Variants in CELF2 observed in about 807,000 individuals in gnomAD.
The protein encoded by CELF2 is CUGBP Elav-like family member 2, also known as CUG triplet repeat RNA-binding protein 2.
A neutral mutation model predicts 62.6 loss-of-function variants in CELF2; 8 were observed. That is an observed-to-expected ratio of 0.13 (90% CI 0.07 to 0.23). The LOEUF (loss-of-function observed/expected upper bound fraction) is 0.23, where lower values mean the gene tolerates loss of function less well. Ranked by LOEUF, CELF2 falls within the 10% of genes least tolerant of loss-of-function variation. The probability of loss-of-function intolerance (pLI) is 1.00; values close to 1 mark genes in which losing one functional copy is unlikely to be tolerated. For synonymous variants in CELF2, 258 were observed against 250.0 expected (o/e 1.03, Z -0.30); for missense variants, 333 against 671.0 (o/e 0.50, Z 5.56).
intron 2 of CELF2, among the ~76,000 whole-genome samples, chr10:10,939,529 A>G (rs935868367): frequency 6.6e-6 from 1 of 151,684 alleles, no homozygotes; most frequent in Admixed American, 6.6e-5. Flanking sequence ...CAGGTGATCC[A>G]CTCACCTTGG....
intron 1 of CELF2, among the ~76,000 whole-genome samples, chr10:11,119,245 C>T (rs141104412): frequency 2.0e-4 from 31 of 152,260 alleles, no homozygotes; most frequent in African/African-American, 7.5e-4. Context: ...TTTAAGAGAG[C>T]TTGATAAAAT....
In CELF2 at chr10:11,267,751, T is replaced by C. The variant is rs2082568381; in HGVS notation, c.618+1074T>C. Among the ~76,000 whole-genome samples the C allele has an allele frequency of 6.6e-6, 1 of 152,178 alleles. No homozygotes were observed. The highest frequency in any genetic ancestry group is 2.1e-4 in the South Asian group (1 of 4,834). On this transcript the variant is annotated intron_variant, in intron 6 of 12. Transcript: ENST00000633077. The surrounding 1 kb of genome is among the most constrained non-coding windows in gnomAD (Gnocchi z 4.4). Reference sequence around the variant, plus strand: ...AGCATGCTGGGAGCTAAGTGATCATTATGCGTCATGTTTTGTGGGCAACTT... The same window carrying C: ...AGCATGCTGGGAGCTAAGTGATCATCATGCGTCATGTTTTGTGGGCAACTT...
the CELF2 span, among the ~76,000 whole-genome samples, chr10:10,638,108 T>C: frequency 6.6e-6 from 1 of 152,178 alleles, no homozygotes; most frequent in Admixed American, 6.5e-5. Context: ...TTGCTGCCAG[T>C]GTCTCTTTGG....
chr10:10,786,243 A>G, the CELF2 span, among the ~76,000 whole-genome samples: 6 of 152,178 alleles, frequency 3.9e-5, no homozygotes, highest in Non-Finnish European at 8.8e-5. Flanking sequence ...ACACAGGGAC[A>G]ATACATGCCT....
intron 1 of CELF2, chr10:10,919,908 C>A: frequency 1.8e-6 from 2 of 1,118,286 alleles, no homozygotes; most frequent in East Asian, 6.4e-5. Flanking sequence ...AATACATTTT[C>A]ATAATTCACC....
intron 1 of CELF2, among the ~76,000 whole-genome samples, chr10:10,811,137 C>T (rs1385296943): frequency 2.0e-5 from 3 of 152,184 alleles, no homozygotes; most frequent in South Asian, 4.1e-4. Flanking sequence ...TCTGTGCAGG[C>T]AGAGTTGTCC....
intron 2 of CELF2, among the ~76,000 whole-genome samples, chr10:10,994,318 C>A (rs772841698): frequency 2.6e-4 from 39 of 152,188 alleles, no homozygotes; most frequent in Non-Finnish European, 4.7e-4. Flanking sequence ...CAGCTACCTG[C>A]CACCAAAATT....
intron 1 of CELF2, among the ~76,000 whole-genome samples, chr10:11,106,851 G>T (rs2053626811): frequency 6.6e-6 from 1 of 152,162 alleles, no homozygotes; most frequent in African/African-American, 2.4e-5. Flanking sequence ...GGACAATGAC[G>T]CTTCAGTGTG....
At position 11,302,045 on chromosome 10, in the gene CELF2, G is replaced by A. The variant is rs1412790133; in HGVS notation, c.977-12094G>A. Among the ~76,000 whole-genome samples the A allele has an allele frequency of 6.6e-6, 1 of 152,200 alleles. No homozygotes were observed. Among genetic ancestry groups the A allele is most frequent in the African/African-American group, 2.4e-5 (1 of 41,450 alleles). On this transcript the variant is annotated intron_variant, in intron 9 of 12. Transcript: ENST00000633077. The surrounding 1 kb of genome is among the most constrained non-coding windows in gnomAD (Gnocchi z 5.0). The stretch of plus-strand genomic sequence containing the variant: ...GCACCAGTGATTCTCATAGTTTCTA[G>A]GGAAACGGACAAGCAAATCCCTGCT...
the CELF2 span, among the ~76,000 whole-genome samples, chr10:10,754,572 T>A: frequency 6.6e-6 from 1 of 152,214 alleles, no homozygotes; most frequent in Non-Finnish European, 1.5e-5. Context: ...TCTGCTGTCT[T>A]AGAATTTCAT....
At chr10:10,562,707 C>G in the CELF2 span, among the ~76,000 whole-genome samples, 1 of 139,964 alleles carries the variant, frequency 7.1e-6, no homozygotes, top group Non-Finnish European at 1.5e-5. Flanking sequence ...TGCATTGGTC[C>G]TTTCCCTCCT....
At chr10:10,694,379 C>G in the CELF2 span, among the ~76,000 whole-genome samples, 45,378 of 146,992 alleles carry the variant, frequency 0.31, 7,308 homozygotes, top group South Asian at 0.54. Context: ...CTGAGAGATA[C>G]TTTGTTATAA....
chr10:10,867,218 C>T (rs1027775460), intron 1 of CELF2, among the ~76,000 whole-genome samples: 2 of 152,136 alleles, frequency 1.3e-5, no homozygotes, highest in African/African-American at 2.4e-5. Context: ...TCACTGAGTG[C>T]AGCTATGGAA....
At chr10:11,193,137 G>T (rs1213477139) in intron 2 of CELF2, among the ~76,000 whole-genome samples, 1 of 152,146 alleles carries the variant, frequency 6.6e-6, no homozygotes, top group Non-Finnish European at 1.5e-5. Flanking sequence ...CTTCAGCCTC[G>T]CGTGGGGCTT....
chr10:10,547,690 A>AGTGTGTGT, the CELF2 span, among the ~76,000 whole-genome samples: 1 of 131,040 alleles, frequency 7.6e-6, no homozygotes, highest in African/African-American at 3.0e-5. Flanking sequence ...AGAGAGAGAG[A>AGTGTGTGT]GAGTGTGTGT....
chr10:11,000,940 G>A (rs73571659), upstream of CELF2, among the ~76,000 whole-genome samples: 1 of 152,154 alleles, frequency 6.6e-6, no homozygotes, highest in Non-Finnish European at 1.5e-5. Context: ...CTTTGCCTCT[G>A]TTGCACCCAT....
chr10:10,918,139 G>A (rs1249884833), intron 1 of CELF2, among the ~76,000 whole-genome samples: 2 of 152,050 alleles, frequency 1.3e-5, no homozygotes, highest in African/African-American at 2.4e-5. Flanking sequence ...TGTATATGTC[G>A]GTCTCAAATG....
chr10:10,502,158 T>C, the CELF2 span, among the ~76,000 whole-genome samples: 2 of 152,096 alleles, frequency 1.3e-5, no homozygotes, highest in Non-Finnish European at 1.5e-5. Flanking sequence ...TGAATTCTAT[T>C]TGTCGTGTTT....
chr10:11,295,052 A>G (rs571256819), intron 9 of CELF2, among the ~76,000 whole-genome samples: 26 of 152,346 alleles, frequency 1.7e-4, no homozygotes, highest in Non-Finnish European at 2.9e-4. Flanking sequence ...ATTTCCTGCA[A>G]GTTTCAACAT....
Sources: allele counts gnomAD v4.1 joint callset (sites outside exome capture counted in the v4.1 genomes callset), GRCh38; gene constraint gnomAD v4.1.1; non-coding constraint Gnocchi (gnomAD v3.1); transcripts MANE v1.5; gene names NCBI Gene and HGNC (gene_info 2026-07-23, HGNC 2026-07-21).